DOCK3: variants seen among roughly 807,000 people sequenced by gnomAD.
The protein encoded by DOCK3 is dedicator of cytokinesis protein 3.
In DOCK3, 60 loss-of-function variants were observed where a neutral mutation model predicts 265.6. That is an observed-to-expected ratio of 0.23 (90% CI 0.18 to 0.28). DOCK3 has a LOEUF of 0.28. Ranked by LOEUF, DOCK3 falls within the 10% of genes least tolerant of loss-of-function variation. The probability of loss-of-function intolerance (pLI) is 1.00; values close to 1 mark genes in which losing one functional copy is unlikely to be tolerated. For missense variants in DOCK3, 1,981 were observed against 2,594.3 expected (o/e 0.76, Z 5.14); for synonymous variants, 881 against 938.0 (o/e 0.94, Z 1.11).
intron 5 of DOCK3, among the ~76,000 whole-genome samples, chr3:51,034,396 G>A (rs2080174177): frequency 6.6e-6 from 1 of 151,540 alleles, no homozygotes; most frequent in Non-Finnish European, 1.5e-5. Context: ...ATACTTCTTT[G>A]CATTATTTTT....
chr3:51,266,141 A>C (rs1005127247), intron 23 of DOCK3, among the ~76,000 whole-genome samples: 7 of 152,318 alleles, frequency 4.6e-5, no homozygotes, highest in African/African-American at 1.7e-4. Context: ...GGAACTCTTG[A>C]AGGAGAACTA....
chr3:51,381,070 A>G lies in DOCK3; in HGVS notation c.5604A>G (p.Pro1868=). The change falls in exon 53 of 53, where the codon CCA becomes CCG. Residue 1868 remains proline, a synonymous_variant. Transcript: ENST00000266037. The surrounding 1 kb of genome is among the most constrained non-coding windows in gnomAD (Gnocchi z 5.6). The part of the protein sequence containing the change: ...TLRKSPLHPI[P]ASPTSPQSGL... ...CGCAGTCTCCTCTCCACCCTATCCCAGCCTCCCCCACAAGCCCCCAGTCAG... is the reference window on the plus strand; with the variant it reads ...CGCAGTCTCCTCTCCACCCTATCCCGGCCTCCCCCACAAGCCCCCAGTCAG... 6.2e-7 allele frequency: 1 copy of G among 1,604,332 alleles called. No individual in the cohort carries two copies. The highest frequency in any genetic ancestry group is 8.5e-7 in the Non-Finnish European group (1 of 1,173,440).
At chr3:50,907,736 A>G (rs2049606594) in intron 4 of DOCK3, among the ~76,000 whole-genome samples, 1 of 152,074 alleles carries the variant, frequency 6.6e-6, no homozygotes, top group Non-Finnish European at 1.5e-5. Flanking sequence ...TAATTGGAGC[A>G]TTTAGCCCAT....
At chr3:51,267,341 C>T (rs949636971) in intron 23 of DOCK3, among the ~76,000 whole-genome samples, 1 of 151,638 alleles carries the variant, frequency 6.6e-6, no homozygotes, top group Admixed American at 6.6e-5. Context: ...GATTATAAAT[C>T]ATTCTACTAT....
intron 28 of DOCK3, among the ~76,000 whole-genome samples, chr3:51,311,536 T>G (rs898546076): frequency 7.2e-5 from 11 of 152,328 alleles, no homozygotes; most frequent in African/African-American, 1.4e-4. Context: ...AAGCAAAGAT[T>G]TATTAACTAT....
intron 32 of DOCK3, among the ~76,000 whole-genome samples, chr3:51,317,631 TA>T (rs1414820116): frequency 6.8e-6 from 1 of 146,574 alleles, no homozygotes; most frequent in Non-Finnish European, 1.5e-5. Flanking sequence ...AATGTATATT[TA>T]AAAATTGCTA....
At chr3:50,869,422 A>G (rs1428200807) in intron 3 of DOCK3, among the ~76,000 whole-genome samples, 1 of 102,804 alleles carries the variant, frequency 9.7e-6, no homozygotes, top group Non-Finnish European at 1.8e-5. Flanking sequence ...CTCAGGCTGG[A>G]GTCAGTGGTG....
chr3:50,764,564 T>G (rs1456067510), intron 1 of DOCK3, among the ~76,000 whole-genome samples: 1 of 152,186 alleles, frequency 6.6e-6, no homozygotes, highest in Non-Finnish European at 1.5e-5. Context: ...GAGATGACTG[T>G]GTGGAATTAT....
At chr3:51,229,696 G>T in intron 19 of DOCK3, 87 bp downstream of exon 19, 1 of 945,768 alleles carries the variant, frequency 1.1e-6, no homozygotes, top group Non-Finnish European at 1.5e-6. Flanking sequence ...GCCAATAACC[G>T]TCTGAGACTG....
intron 20 of DOCK3, among the ~76,000 whole-genome samples, chr3:51,237,035 C>T (rs189477173): frequency 4.1e-4 from 63 of 152,188 alleles, no homozygotes; most frequent in African/African-American, 1.4e-3. Flanking sequence ...TTTGCCCCTC[C>T]GGCTCTTCTT....
intron 5 of DOCK3, among the ~76,000 whole-genome samples, chr3:50,938,550 G>A (rs531632075): frequency 6.6e-6 from 1 of 151,862 alleles, no homozygotes; most frequent in South Asian, 2.1e-4. Flanking sequence ...TGTAATAATT[G>A]AAGTCATACA....
At chr3:50,948,406 T>TG (rs2076496331) in intron 5 of DOCK3, among the ~76,000 whole-genome samples, 1 of 142,312 alleles carries the variant, frequency 7.0e-6, no homozygotes, top group South Asian at 2.3e-4. Context: ...TTAATCTTTT[T>TG]TTTTTTTTTT....
chr3:51,131,796 T>C (rs868307198), intron 9 of DOCK3, among the ~76,000 whole-genome samples: 4 of 152,338 alleles, frequency 2.6e-5, no homozygotes, highest in African/African-American at 9.6e-5. Context: ...CCCTGCCACC[T>C]TGGGATCCAG....
chr3:51,381,153 T>C lies in DOCK3; in HGVS notation c.5687T>C (p.Leu1896Ser). 2 of 1,613,850 alleles carry C rather than the reference T, an allele frequency of 1.2e-6. No individual in the cohort carries two copies. The highest frequency in any genetic ancestry group is 8.5e-7 in the Non-Finnish European group (1 of 1,179,850). ...AGTGCCAGCAGCGGCGTGTCCTCCT[T>C]GAGTGAGAGTAACTTTGGGCACTCC... The part of the protein sequence containing the change: ...SGSASSGVSS[L>S]SESNFGHSSE... Residue 1896 changes from leucine to serine, a missense_variant, in exon 53 of 53, where the codon TTG becomes TCG. Transcript: ENST00000266037. The surrounding 1 kb of genome is among the most constrained non-coding windows in gnomAD (Gnocchi z 5.6).
chr3:50,878,749 C>A (rs1048700315), intron 3 of DOCK3, among the ~76,000 whole-genome samples: 1 of 152,010 alleles, frequency 6.6e-6, no homozygotes, highest in African/African-American at 2.4e-5. Flanking sequence ...CAAGGCAGGC[C>A]AACATTCAAA....
At chr3:50,956,678 A>C (rs899469853) in intron 5 of DOCK3, among the ~76,000 whole-genome samples, 4 of 152,142 alleles carry the variant, frequency 2.6e-5, no homozygotes, top group African/African-American at 7.2e-5. Flanking sequence ...GGCCAAGCTG[A>C]AGCACATAGA....
intron 9 of DOCK3, among the ~76,000 whole-genome samples, chr3:51,109,742 A>G (rs927865256): frequency 2.0e-5 from 3 of 151,968 alleles, no homozygotes; most frequent in African/African-American, 7.3e-5. Context: ...AGACCAGCTT[A>G]GGCAACATGG....
At chr3:51,281,276 T>A (rs1472695939) in intron 27 of DOCK3, among the ~76,000 whole-genome samples, 4 of 12,836 alleles carry the variant, frequency 3.1e-4, no homozygotes, top group South Asian at 4.1e-3. Context: ...TGAGCTAAAA[T>A]ATATATATAT....
intron 37 of DOCK3, among the ~76,000 whole-genome samples, chr3:51,340,910 G>C (rs1467462735): frequency 6.6e-6 from 1 of 152,230 alleles, no homozygotes; most frequent in African/African-American, 2.4e-5. Context: ...AGCTCTCTCT[G>C]ATGTGTCAAT....
Sources: gnomAD v4.1 joint callset for allele counts (sites outside exome capture counted in the v4.1 genomes callset) on GRCh38, gnomAD v4.1.1 for gene constraint, Gnocchi (gnomAD v3.1) non-coding constraint, MANE v1.5 for transcripts, NCBI Gene and HGNC (gene_info 2026-07-23, HGNC 2026-07-21) for gene names.